The following SNX25 variants were observed in gnomAD, a reference collection of about 807,000 sequenced individuals.
SNX25 encodes sorting nexin 25.
A neutral mutation model predicts 113.7 loss-of-function variants in SNX25; 62 were observed. That is an observed-to-expected ratio of 0.55 (90% confidence interval 0.44 to 0.67). SNX25 has a LOEUF of 0.67. Among genes scored for constraint, SNX25 ranks in the 30% least tolerant of loss-of-function variants. The pLI is 0.00. For missense variants in SNX25, 1,014 were observed against 1,161.0 expected, an observed-to-expected ratio of 0.87 and a Z score of 1.84; for synonymous variants, 421 against 436.2, an observed-to-expected ratio of 0.97 and a Z score of 0.43.
chr4:185,274,712 G>A (rs1749411922), intron 5 of SNX25, among the ~76,000 whole-genome samples: 1 of 152,194 alleles, frequency 6.6e-6, no homozygotes, highest in Non-Finnish European at 1.5e-5. Context: ...AAGCTACCAT[G>A]TGCTGAATAT....
At chr4:185,336,854 C>T (rs1487502926) in intron 10 of SNX25, among the ~76,000 whole-genome samples, 2 of 152,124 alleles carry the variant, frequency 1.3e-5, no homozygotes, top group African/African-American at 4.8e-5. Context: ...CATGGCCATT[C>T]TTGCAGGAGT....
intron 6 of SNX25, among the ~76,000 whole-genome samples, chr4:185,298,501 T>TG (rs1181797228): frequency 6.6e-6 from 1 of 152,176 alleles, no homozygotes; most frequent in Non-Finnish European, 1.5e-5. Context: ...ACATAGCTTA[T>TG]GTCACCTTTG....
chr4:185,335,349 C>G (rs898620128), intron 10 of SNX25, among the ~76,000 whole-genome samples: 1 of 150,056 alleles, frequency 6.7e-6, no homozygotes, highest in Admixed American at 6.6e-5. Context: ...CACACACACA[C>G]ACACACACAA....
intron 15 of SNX25, among the ~76,000 whole-genome samples, chr4:185,354,280 TA>T (rs959256744): frequency 6.6e-6 from 1 of 152,206 alleles, no homozygotes; most frequent in Non-Finnish European, 1.5e-5. Flanking sequence ...ATCCTGTTGT[TA>T]AAGGTGAGTG....
At chr4:185,370,497 A>G, downstream of SNX25, 1 of 752,578 alleles carries the variant, frequency 1.3e-6, no homozygotes, top group Non-Finnish European at 2.1e-6. Context: ...AACAATCTGC[A>G]TGTCTGACAG....
intron 5 of SNX25, 69 bp from the exon 6 acceptor site, chr4:185,287,943 C>A: frequency 2.3e-6 from 3 of 1,285,146 alleles, no homozygotes; most frequent in Non-Finnish European, 3.3e-6. Flanking sequence ...TAAATACAGT[C>A]TAAAGTTATT....
At chr4:185,377,049 A>C in the SNX25 span, 3 of 1,396,562 alleles carry the variant, frequency 2.1e-6, no homozygotes, top group Middle Eastern at 5.3e-4. Flanking sequence ...AATTCCATCA[A>C]CCACACAATA....
intron 5 of SNX25, among the ~76,000 whole-genome samples, chr4:185,274,072 T>G (rs1341177590): frequency 2.0e-5 from 3 of 151,906 alleles, no homozygotes; most frequent in Non-Finnish European, 4.4e-5. Context: ...GCTTTTTTTT[T>G]TTTTTTGAGA....
the SNX25 span, chr4:185,378,620 A>G: frequency 1.0e-6 from 1 of 989,986 alleles, no homozygotes; most frequent in Non-Finnish European, 1.2e-6. Flanking sequence ...ATCCATTTCA[A>G]ATTAAAGCAC....
chr4:185,372,107 C>T (rs1212083735), downstream of SNX25, among the ~76,000 whole-genome samples: 2 of 152,146 alleles, frequency 1.3e-5, no homozygotes, highest in African/African-American at 2.4e-5. Flanking sequence ...ACCATATTCT[C>T]ATGTTACAGT....
At position 185,209,922 on chromosome 4, in the gene SNX25, G is replaced by A; in HGVS notation, c.96G>A (p.Glu32=). 2.0e-6 allele frequency: 2 copies of A among 983,296 alleles called. No individual in the cohort carries two copies. The highest frequency in any genetic ancestry group is 2.4e-6 in the Non-Finnish European group (2 of 829,168). The allele number at this position is 983,296 out of a possible 1,614,324, so 60.9% of individuals were successfully genotyped here. Reference sequence around the variant, plus strand: ...GTCCTGTCTCGGGCTTCAGGGGCGAGCGGCGGCCGGAGTCCCCGGGGGACG... The same window carrying A: ...GTCCTGTCTCGGGCTTCAGGGGCGAACGGCGGCCGGAGTCCCCGGGGGACG... ...GGRPVSGFRG[E]RRPESPGDAE... Residue 32 remains glutamate (E), a synonymous_variant, in exon 1 of 19, where the codon GAG becomes GAA. Transcript: ENST00000652585. The surrounding 1 kb of genome is among the most constrained non-coding windows in gnomAD (Gnocchi z 5.2).
chr4:185,330,744 C>T (rs2095188655), intron 9 of SNX25, among the ~76,000 whole-genome samples: 1 of 152,106 alleles, frequency 6.6e-6, no homozygotes, highest in Non-Finnish European at 1.5e-5. Context: ...TAGAAGTCAT[C>T]TAATTGAGGT....
At chr4:185,263,411 A>C (rs1747596416) in intron 3 of SNX25, among the ~76,000 whole-genome samples, 1 of 152,230 alleles carries the variant, frequency 6.6e-6, no homozygotes, top group African/African-American at 2.4e-5. Flanking sequence ...ATTTTTAAAA[A>C]GTCAGCGTAT....
intron 5 of SNX25, among the ~76,000 whole-genome samples, chr4:185,283,831 C>T (rs1278420963): frequency 6.6e-6 from 1 of 151,910 alleles, no homozygotes; most frequent in African/African-American, 2.4e-5. Flanking sequence ...AAACAGGTAC[C>T]CAGTACAATC....
At chr4:185,335,730 G>A (rs944078459) in intron 10 of SNX25, among the ~76,000 whole-genome samples, 9 of 152,142 alleles carry the variant, frequency 5.9e-5, no homozygotes, top group African/African-American at 1.7e-4. Flanking sequence ...AATATTGGGA[G>A]TAAACCATTA....
At chr4:185,373,495 G>A (rs536292268), downstream of SNX25, among the ~76,000 whole-genome samples, 17 of 152,316 alleles carry the variant, frequency 1.1e-4, no homozygotes, top group South Asian at 2.9e-3. Context: ...CAGCTGCTGC[G>A]ATCAAAGACA....
At chr4:185,243,573 G>A (rs1744390767) in intron 1 of SNX25, among the ~76,000 whole-genome samples, 1 of 152,122 alleles carries the variant, frequency 6.6e-6, no homozygotes, top group Non-Finnish European at 1.5e-5. Context: ...CTGTACTCCA[G>A]CCTGGGTGGC....
At chr4:185,368,086 G>T (rs887699115), downstream of SNX25, among the ~76,000 whole-genome samples, 3 of 152,198 alleles carry the variant, frequency 2.0e-5, no homozygotes, top group African/African-American at 7.2e-5. Flanking sequence ...GCTGAGCCAG[G>T]AGAATGGCGT....
At chr4:185,331,792 CAAAA>C (rs957068186) in intron 9 of SNX25, among the ~76,000 whole-genome samples, 5 of 152,052 alleles carry the variant, frequency 3.3e-5, no homozygotes, top group Non-Finnish European at 7.4e-5. Context: ...AAAAAACAAA[CAAAA>C]AAACCCATGA....
Sources: allele counts gnomAD v4.1 joint callset (sites outside exome capture counted in the v4.1 genomes callset), GRCh38; gene constraint gnomAD v4.1.1; non-coding constraint Gnocchi (gnomAD v3.1); transcripts MANE v1.5; gene names NCBI Gene and HGNC (gene_info 2026-07-23, HGNC 2026-07-21).